The following TNRC6A variants were observed in gnomAD, a reference collection of about 807,000 sequenced individuals.
TNRC6A encodes the protein trinucleotide repeat containing adaptor 6A.
TNRC6A carries 44 observed loss-of-function variants against 221.2 expected under a neutral mutation model. That is an observed-to-expected ratio of 0.20 (90% CI 0.16 to 0.26). The LOEUF (loss-of-function observed/expected upper bound fraction) is 0.26, where lower values mean the gene tolerates loss of function less well. Among genes scored for constraint, TNRC6A ranks in the 10% least tolerant of loss-of-function variants. The probability of loss-of-function intolerance (pLI) is 1.00; values close to 1 mark genes in which losing one functional copy is unlikely to be tolerated. For synonymous variants in TNRC6A, 847 were observed against 838.5 expected (o/e 1.01, Z -0.18); for missense variants, 2,199 against 2,404.4 (o/e 0.91, Z 1.79).
chr16:24,687,843 G>GAAGAAGAAGAAGAAGAAGAA (rs1555489487), intron 2 of TNRC6A, among the ~76,000 whole-genome samples: 25 of 101,916 alleles, frequency 2.5e-4, no homozygotes, highest in Non-Finnish European at 3.5e-4. Context: ...AAGAGGAAGA[G>GAAGAAGAAGAAGAAGAAGAA]GAAGAAGAAG....
chr16:24,803,919 G>T (rs865908064), intron 11 of TNRC6A: 1 of 343,310 alleles, frequency 2.9e-6, no homozygotes. Flanking sequence ...GAAAAAAAAA[G>T]TGAGGTTATC....
intron 2 of TNRC6A, among the ~76,000 whole-genome samples, chr16:24,711,159 A>G (rs768405194): frequency 7.9e-5 from 12 of 151,298 alleles, no homozygotes; most frequent in Non-Finnish European, 1.8e-4. Context: ...ACAGGCGCGC[A>G]TTGCACCTGG....
chr16:24,818,726 G>T (rs2058705179), intron 21 of TNRC6A, 26 bp downstream of exon 21: 1 of 1,578,816 alleles, frequency 6.3e-7, no homozygotes, highest in African/African-American at 1.3e-5. Flanking sequence ...GCTCAGGAAG[G>T]GAGGGTTGGT....
At chr16:24,707,059 G>A (rs967161720) in intron 2 of TNRC6A, among the ~76,000 whole-genome samples, 1 of 151,722 alleles carries the variant, frequency 6.6e-6, no homozygotes, top group Non-Finnish European at 1.5e-5. Context: ...GCAGTAGCAC[G>A]ATCTCAACTC....
intron 2 of TNRC6A, chr16:24,663,721 A>G (rs1346092123): frequency 2.9e-6 from 1 of 343,626 alleles, no homozygotes; most frequent in African/African-American, 2.2e-5. Context: ...CAACCAGGGG[A>G]ACTCACCTGA....
upstream of TNRC6A, among the ~76,000 whole-genome samples, chr16:24,725,087 G>C (rs2547040): frequency 0.82 from 125,170 of 152,190 alleles, 51,602 homozygotes; most frequent in East Asian, 0.89. Flanking sequence ...TTTGTACAGC[G>C]TGTTTCTCTT....
intron 2 of TNRC6A, among the ~76,000 whole-genome samples, chr16:24,704,180 C>T (rs988195395): frequency 6.6e-6 from 1 of 151,706 alleles, no homozygotes; most frequent in Non-Finnish European, 1.5e-5. Flanking sequence ...CTGCAAACTT[C>T]GCCTCCTAGG....
At chr16:24,800,069 G>A (rs1466362098) in intron 11 of TNRC6A, among the ~76,000 whole-genome samples, 1 of 152,178 alleles carries the variant, frequency 6.6e-6, no homozygotes, top group Non-Finnish European at 1.5e-5. Context: ...AAATGTCCCT[G>A]TAGCAGTCTT....
intron 2 of TNRC6A, among the ~76,000 whole-genome samples, chr16:24,668,346 A>G (rs1344881953): frequency 6.6e-6 from 1 of 150,880 alleles, no homozygotes; most frequent in Non-Finnish European, 1.5e-5. Context: ...CTCCATCTCA[A>G]AAAAAAAAGA....
intron 2 of TNRC6A, among the ~76,000 whole-genome samples, chr16:24,700,242 CT>C (rs904319866): frequency 8.1e-5 from 12 of 148,820 alleles, no homozygotes; most frequent in Admixed American, 1.3e-4. Context: ...CTGAATTTTT[CT>C]TTTTTTTTTT....
intron 2 of TNRC6A, among the ~76,000 whole-genome samples, chr16:24,656,817 TTGTTA>T (rs530854837): frequency 6.6e-6 from 1 of 152,106 alleles, no homozygotes; most frequent in African/African-American, 2.4e-5. Context: ...AGAGGCAAAA[TTGTTA>T]TGTTAAGTGT....
At chr16:24,625,293 A>G (rs1900899814) in intron 1 of TNRC6A, among the ~76,000 whole-genome samples, 1 of 152,220 alleles carries the variant, frequency 6.6e-6, no homozygotes, top group Non-Finnish European at 1.5e-5. Flanking sequence ...CCATGGAGAA[A>G]GAAATCAATT....
chr16:24,655,198 C>T (rs1054969538), intron 2 of TNRC6A, among the ~76,000 whole-genome samples: 37 of 152,038 alleles, frequency 2.4e-4, no homozygotes, highest in African/African-American at 8.7e-4. Flanking sequence ...GAGAAGTGAT[C>T]GTGCCACTGC....
chr16:24,812,980 A>AC (rs199587465), intron 18 of TNRC6A, among the ~76,000 whole-genome samples: 2,332 of 142,948 alleles, frequency 0.016, 61 homozygotes, highest in African/African-American at 0.051. Context: ...GACTCAGATG[A>AC]CCCCCCCACC....
intron 4 of TNRC6A, among the ~76,000 whole-genome samples, chr16:24,766,888 G>T (rs2057486229): frequency 6.6e-6 from 1 of 151,896 alleles, no homozygotes; most frequent in Admixed American, 6.6e-5. Flanking sequence ...TGTTGACCAG[G>T]CTGGTGTCGA....
At chr16:24,744,565 A>G (rs1162125567) in intron 2 of TNRC6A, among the ~76,000 whole-genome samples, 3 of 152,078 alleles carry the variant, frequency 2.0e-5, no homozygotes. Context: ...GTAATTTTTT[A>G]TTAGCATAAT....
At chr16:24,777,432 C>G (rs2057749905) in intron 5 of TNRC6A, 74 bp downstream of exon 5, 1 of 1,465,674 alleles carries the variant, frequency 6.8e-7, no homozygotes, top group African/African-American at 1.4e-5. Flanking sequence ...AAATTCGTAG[C>G]TTTTTGGTGA....
chr16:24,687,843 G>GGAAGAGGAGGAAGAAGAAGAA, intron 2 of TNRC6A, among the ~76,000 whole-genome samples: 1 of 101,920 alleles, frequency 9.8e-6, no homozygotes, highest in African/African-American at 3.3e-5. Context: ...AAGAGGAAGA[G>GGAAGAGGAGGAAGAAGAAGAA]GAAGAAGAAG....
chr16:24,615,820 G>C (rs1900310881), intron 1 of TNRC6A, among the ~76,000 whole-genome samples: 1 of 152,164 alleles, frequency 6.6e-6, no homozygotes, highest in East Asian at 1.9e-4. Flanking sequence ...GAGGCCAGGA[G>C]TATGAGACAA....
Sources: gnomAD v4.1 joint callset for allele counts (sites outside exome capture counted in the v4.1 genomes callset) on GRCh38, gnomAD v4.1.1 for gene constraint, MANE v1.5 for transcripts, NCBI Gene and HGNC (gene_info 2026-07-23, HGNC 2026-07-21) for gene names.